KLF9: variants seen among roughly 807,000 people sequenced by gnomAD.
The protein encoded by KLF9 is Krueppel-like factor 9.
In KLF9, 2 loss-of-function variants were observed where a neutral mutation model predicts 17.3. That is an observed-to-expected ratio of 0.12 (90% confidence interval 0.05 to 0.36). The LOEUF (loss-of-function observed/expected upper bound fraction) is 0.36, where lower values mean the gene tolerates loss of function less well. Among genes scored for constraint, KLF9 ranks in the 10% least tolerant of loss-of-function variants. KLF9 has a pLI of 1.00. For synonymous variants in KLF9, 138 were observed against 139.2 expected (o/e 0.99, Z 0.06); for missense variants, 226 against 333.2 (o/e 0.68, Z 2.51).
Position 70,413,076 on chromosome 9 carries a change from G to A in KLF9, c.288C>T (p.Asp96=). The change falls in exon 1 of 2, where the codon GAC becomes GAT. Residue 96 remains aspartate, a synonymous_variant. Coordinates refer to ENST00000377126, the MANE Select transcript of KLF9 (RefSeq NM_001206.4). This position sits in a 1 kb window ranked among gnomAD's most constrained non-coding sequence, Gnocchi z 5.6. ...ACCCAGATTCGGTGGTCACGTCGCT[G>A]TCGGATCCCATATCCTCATCTGGAC... is the stretch of plus-strand genomic sequence containing the variant. ...LESPDEDMGS[D]SDVTTESGSS... The A allele has an allele frequency of 6.2e-7, 1 of 1,614,092 alleles. No homozygotes were observed. The highest frequency in any genetic ancestry group is 2.2e-5 in the East Asian group (1 of 44,862).
intron 1 of KLF9, among the ~76,000 whole-genome samples, chr9:70,404,016 A>C (rs915898691): frequency 6.6e-6 from 1 of 152,004 alleles, no homozygotes; most frequent in East Asian, 1.9e-4. Context: ...TTCATGCCCA[A>C]CTCCACCCAC....
intron 1 of KLF9, among the ~76,000 whole-genome samples, chr9:70,401,686 C>CAAAAAAAAAAAAAAA (rs34988097): frequency 2.4e-4 from 16 of 66,242 alleles, no homozygotes; most frequent in South Asian, 5.6e-4. Flanking sequence ...GACTCCTTCA[C>CAAAAAAAAAAAAAAA]AAAAAAAAAA....
At chr9:70,409,107 T>C (rs1386740786) in intron 1 of KLF9, among the ~76,000 whole-genome samples, 1 of 97,010 alleles carries the variant, frequency 1.0e-5, no homozygotes. Context: ...TATATGTGTA[T>C]ATATATACAT....
chr9:70,389,820 C>T (rs1224683364), intron 1 of KLF9, among the ~76,000 whole-genome samples: 1 of 152,252 alleles, frequency 6.6e-6, no homozygotes, highest in Non-Finnish European at 1.5e-5. Flanking sequence ...ACTCTTCACA[C>T]CTTTCCAAGC....
intron 1 of KLF9, among the ~76,000 whole-genome samples, chr9:70,409,085 CATATATGTAT>C (rs1221150463): frequency 1.4e-4 from 11 of 76,704 alleles, no homozygotes; most frequent in African/African-American, 4.4e-4. Context: ...TATATATACA[CATATATGTAT>C]ATATATGTGT....
chr9:70,406,687 C>A (rs1386158595), intron 1 of KLF9, among the ~76,000 whole-genome samples: 1 of 152,038 alleles, frequency 6.6e-6, no homozygotes, highest in Non-Finnish European at 1.5e-5. Context: ...CTCCTTTCTG[C>A]GTGTGTTGCA....
At position 70,412,990 on chromosome 9, in the gene KLF9, G is replaced by A; in HGVS notation, c.374C>T (p.Ser125Phe). ...CGCAGCCACTCCAGGATGGAGGAGG[G>A]AGAGCGGGCTGGGCGCGCTGCCAGG... The part of the protein sequence containing the change: ...QDPGSAPSPL[S>F]LLHPGVAAKG... The change falls in exon 1 of 2, where the codon TCC becomes TTC. Residue 125 changes from serine (S) to phenylalanine (F), a missense_variant. Transcript: ENST00000377126. 1 of 1,614,176 alleles carries A rather than the reference G, an allele frequency of 6.2e-7. No individual in the cohort carries two copies. The highest frequency in any genetic ancestry group is 8.5e-7 in the Non-Finnish European group (1 of 1,180,036).
intron 1 of KLF9, among the ~76,000 whole-genome samples, chr9:70,405,401 C>T (rs2037249390): frequency 1.3e-5 from 2 of 152,180 alleles, no homozygotes; most frequent in African/African-American, 4.8e-5. Flanking sequence ...AAATAAATGT[C>T]CTCACTTTTT....
chr9:70,392,006 G>A (rs948162962), intron 1 of KLF9, among the ~76,000 whole-genome samples: 1 of 152,150 alleles, frequency 6.6e-6, no homozygotes, highest in Non-Finnish European at 1.5e-5. Context: ...TTTGCAAAAA[G>A]TTGGTTGATT....
At chr9:70,409,178 ATG>A (rs1384836149) in intron 1 of KLF9, among the ~76,000 whole-genome samples, 5 of 90,478 alleles carry the variant, frequency 5.5e-5, no homozygotes, top group African/African-American at 1.1e-4. Flanking sequence ...ATGTATATAT[ATG>A]TATACATATA....
At position 70,385,365 on chromosome 9, in the gene KLF9, CAT is replaced by C; in HGVS notation, c.*2409_*2410del. On this transcript the variant is annotated 3_prime_UTR_variant, in exon 2 of 2. Coordinates refer to ENST00000377126, the MANE Select transcript of KLF9 (RefSeq NM_001206.4). ...GAGTTTATACGTTACATTACTATAACATATAAGAGAATATCAAATGTGTGTTT... is the reference window on the plus strand; with the variant it reads ...GAGTTTATACGTTACATTACTATAACATAAGAGAATATCAAATGTGTGTTT... 6.5e-6 allele frequency: 1 copy of C among 152,698 alleles called. No individual in the cohort carries two copies. The highest frequency in any genetic ancestry group is 2.4e-5 in the African/African-American group (1 of 41,554). 9.5% of individuals were successfully genotyped at this position (152,698 alleles called of 1,614,324 possible).
chr9:70,395,416 T>C (rs1410122386), intron 1 of KLF9, among the ~76,000 whole-genome samples: 5 of 151,980 alleles, frequency 3.3e-5, no homozygotes, highest in African/African-American at 9.7e-5. Flanking sequence ...TTTCTAAACA[T>C]GAAACCAAAA....
intron 1 of KLF9, among the ~76,000 whole-genome samples, chr9:70,397,009 T>C (rs1564086945): frequency 2.0e-5 from 3 of 152,018 alleles, no homozygotes; most frequent in Admixed American, 6.6e-5. Flanking sequence ...TGAAACCTCA[T>C]CTCTTAAAAA....
chr9:70,408,372 T>C lies in KLF9; in HGVS notation c.505+4487A>G, dbSNP rs573795836. On this transcript the variant is annotated intron_variant, in intron 1 of 1. Transcript: ENST00000377126. Reference sequence around the variant, plus strand: ...CCACTCAGGCCTAGTTGTACATCTATGTTGGATGAAGCAAGTTGGGTTATG... The same window carrying C: ...CCACTCAGGCCTAGTTGTACATCTACGTTGGATGAAGCAAGTTGGGTTATG... Among the ~76,000 whole-genome samples the C allele has an allele frequency of 5.3e-5, 8 of 152,312 alleles. No homozygotes were observed. The East Asian group carries it at 1.5e-3, about 29-fold the overall frequency.
intron 1 of KLF9, among the ~76,000 whole-genome samples, chr9:70,411,372 T>C (rs1425446490): frequency 2.0e-5 from 3 of 152,216 alleles, no homozygotes; most frequent in African/African-American, 7.2e-5. Flanking sequence ...CTCCAGTTAA[T>C]ATACCCCTAC....
intron 1 of KLF9, among the ~76,000 whole-genome samples, chr9:70,390,375 C>T (rs1349012004): frequency 2.0e-5 from 3 of 151,196 alleles, no homozygotes; most frequent in South Asian, 2.1e-4. Flanking sequence ...TTTTGATGCT[C>T]GGGGATGGGG....
rs899906622 is a variant in KLF9 at position 70,414,138 on chromosome 9, C to T, written c.-775G>A. Reference sequence around the variant, plus strand: ...GTTCCGTTTCGCTGCCTCGTGCTACCCCTACAGCCTCGAACACTGACATTT... The same window carrying T: ...GTTCCGTTTCGCTGCCTCGTGCTACTCCTACAGCCTCGAACACTGACATTT... On this transcript the variant is annotated 5_prime_UTR_variant, in exon 1 of 2. Coordinates refer to ENST00000377126, the MANE Select transcript of KLF9 (RefSeq NM_001206.4). The T allele has an allele frequency of 1.3e-5, 2 of 152,258 alleles. No individual in the cohort carries two copies. Among genetic ancestry groups the T allele is most frequent in the African/African-American group, 4.8e-5 (2 of 41,432 alleles). 9.4% of individuals were successfully genotyped at this position (152,258 alleles called of 1,614,324 possible). A position where few individuals can be genotyped will look rare whatever the true frequency, so the allele number is the denominator to read the frequency against.
chr9:70,395,953 A>C (rs1283274261), intron 1 of KLF9, among the ~76,000 whole-genome samples: 1 of 152,180 alleles, frequency 6.6e-6, no homozygotes, highest in African/African-American at 2.4e-5. Flanking sequence ...TAAATAAATA[A>C]ATACATAAAT....
intron 1 of KLF9, among the ~76,000 whole-genome samples, chr9:70,406,949 C>T (rs533862093): frequency 6.3e-5 from 9 of 143,680 alleles, no homozygotes; most frequent in South Asian, 2.2e-4. Context: ...CTAACAAATG[C>T]GACAAAGCTT....
Sources: gnomAD v4.1 joint callset for allele counts (sites outside exome capture counted in the v4.1 genomes callset) on GRCh38, gnomAD v4.1.1 for gene constraint, Gnocchi (gnomAD v3.1) non-coding constraint, MANE v1.5 for transcripts, NCBI Gene and HGNC (gene_info 2026-07-23, HGNC 2026-07-21) for gene names.